The following CADM1 variants were observed in gnomAD, a reference collection of about 807,000 sequenced individuals.
CADM1 encodes TSLC-1.
A neutral mutation model predicts 53.1 loss-of-function variants in CADM1; 15 were observed. The observed-to-expected ratio is 0.28, with a 90% CI of 0.19 to 0.44. The LOEUF (loss-of-function observed/expected upper bound fraction) is 0.44, where lower values mean the gene tolerates loss of function less well. Ranked by LOEUF, CADM1 falls within the 20% of genes least tolerant of loss-of-function variation. The pLI is 1.00. For synonymous variants in CADM1, 281 were observed against 243.0 expected (o/e 1.16, Z -1.45); for missense variants, 434 against 611.3 (o/e 0.71, Z 3.06).
At position 115,295,520 on chromosome 11, in the gene CADM1, A is replaced by T. The variant is rs1435730614; in HGVS notation, c.125-55100T>A. 7.0e-5 allele frequency among the ~76,000 whole-genome samples: 5 copies of T among 71,036 alleles called. No individual in the cohort carries two copies. In the East Asian group the frequency reaches 3.4e-3, roughly 48 times the overall value. The allele number at this position is 71,036 out of a possible 152,430, so 46.6% of individuals were successfully genotyped here. A position where few individuals can be genotyped will look rare whatever the true frequency, so the allele number is the denominator to read the frequency against. On this transcript the variant is annotated intron_variant, in intron 1 of 11. Coordinates refer to ENST00000331581, the MANE Select transcript of CADM1 (RefSeq NM_001301043.2). ...ATCAAGATATTTTATATATATATAT[A>T]TATATATATATATATATATATATAT...
At chr11:115,349,351 C>T (rs1189489091) in intron 1 of CADM1, among the ~76,000 whole-genome samples, 1 of 152,106 alleles carries the variant, frequency 6.6e-6, no homozygotes, top group Non-Finnish European at 1.5e-5. Flanking sequence ...TTCTTTATTA[C>T]AGGAAAGTAT....
chr11:115,385,819 TAA>T (rs1946686856), intron 1 of CADM1, among the ~76,000 whole-genome samples: 1 of 152,196 alleles, frequency 6.6e-6, no homozygotes, highest in Non-Finnish European at 1.5e-5. Context: ...TCTAAATTTC[TAA>T]GTTCTTTGAC....
intron 1 of CADM1, among the ~76,000 whole-genome samples, chr11:115,379,986 A>C (rs1222471903): frequency 6.6e-6 from 1 of 152,166 alleles, no homozygotes; most frequent in Non-Finnish European, 1.5e-5. Flanking sequence ...TATAGGTCAG[A>C]TCAATGGGGT....
chr11:115,259,725 TAA>T (rs1176836175), intron 1 of CADM1, among the ~76,000 whole-genome samples: 3 of 152,104 alleles, frequency 2.0e-5, no homozygotes, highest in Non-Finnish European at 2.9e-5. Flanking sequence ...CAAGAGGAGC[TAA>T]AGAAGGAGCT....
At chr11:115,372,817 G>A (rs937989570) in intron 1 of CADM1, among the ~76,000 whole-genome samples, 10 of 152,094 alleles carry the variant, frequency 6.6e-5, no homozygotes, top group African/African-American at 1.4e-4. Flanking sequence ...GCAGAAACAA[G>A]AACAAGGAAA....
chr11:115,178,800 G>A, intron 10 of CADM1, 25 bp from the exon 11 acceptor site: 1 of 1,613,382 alleles, frequency 6.2e-7, no homozygotes, highest in Non-Finnish European at 8.5e-7. Context: ...AGAGGAATAG[G>A]GATGTAGAGC....
intron 1 of CADM1, among the ~76,000 whole-genome samples, chr11:115,473,375 C>G (rs1949059099): frequency 6.6e-6 from 1 of 152,176 alleles, no homozygotes; most frequent in African/African-American, 2.4e-5. Context: ...GGGAGGTTCA[C>G]TTGGGCCCAG....
chr11:115,226,031 A>G (rs1213264492), intron 5 of CADM1, among the ~76,000 whole-genome samples: 1 of 152,150 alleles, frequency 6.6e-6, no homozygotes, highest in Non-Finnish European at 1.5e-5. Context: ...TACTCGGAGT[A>G]GACTCTGAGG....
At chr11:115,227,466 T>C (rs1941653321) in intron 5 of CADM1, among the ~76,000 whole-genome samples, 2 of 152,202 alleles carry the variant, frequency 1.3e-5, no homozygotes, top group Admixed American at 1.3e-4. Context: ...GGTGAATATC[T>C]ACTCAGGACG....
At chr11:115,204,911 A>G (rs538840223) in intron 8 of CADM1, among the ~76,000 whole-genome samples, 2 of 152,344 alleles carry the variant, frequency 1.3e-5, no homozygotes, top group South Asian at 2.1e-4. Flanking sequence ...TTAGATACCA[A>G]TAAGAAAAGC....
chr11:115,408,525 G>A (rs192158646), intron 1 of CADM1, among the ~76,000 whole-genome samples: 62 of 152,296 alleles, frequency 4.1e-4, no homozygotes, highest in African/African-American at 1.4e-3. Context: ...AACTGTGTTG[G>A]TTACTGACCT....
At chr11:115,243,027 T>C (rs1286358740) in intron 1 of CADM1, among the ~76,000 whole-genome samples, 2 of 152,258 alleles carry the variant, frequency 1.3e-5, no homozygotes, top group African/African-American at 4.8e-5. Context: ...TCCATGATTT[T>C]GTCTTTTAAG....
chr11:115,413,469 C>T (rs1449723602), intron 1 of CADM1, among the ~76,000 whole-genome samples: 1 of 152,134 alleles, frequency 6.6e-6, no homozygotes. Flanking sequence ...CTGTTCTAGA[C>T]ACTTTGTACA....
intron 1 of CADM1, among the ~76,000 whole-genome samples, chr11:115,376,444 A>C (rs1946440204): frequency 6.6e-6 from 1 of 152,188 alleles, no homozygotes; most frequent in African/African-American, 2.4e-5. Flanking sequence ...TAGTTTCTAC[A>C]AAAAATGAAA....
At chr11:115,366,218 C>T (rs1464217224) in intron 1 of CADM1, among the ~76,000 whole-genome samples, 1 of 152,198 alleles carries the variant, frequency 6.6e-6, no homozygotes, top group Non-Finnish European at 1.5e-5. Context: ...CATTTCTCCG[C>T]AGCACAAAAA....
chr11:115,432,719 C>T (rs539501479), intron 1 of CADM1, among the ~76,000 whole-genome samples: 67 of 152,266 alleles, frequency 4.4e-4, no homozygotes, highest in African/African-American at 1.6e-3. Context: ...TTCTGATAGC[C>T]TACGGGTATT....
At chr11:115,347,254 C>CA (rs1411902491) in intron 1 of CADM1, among the ~76,000 whole-genome samples, 1 of 152,020 alleles carries the variant, frequency 6.6e-6, no homozygotes, top group Non-Finnish European at 1.5e-5. Flanking sequence ...TACTAGCCCC[C>CA]CCAACTGCTT....
chr11:115,175,547 T>C lies in CADM1; in HGVS notation c.*927A>G, dbSNP rs575111056. On this transcript the variant is annotated 3_prime_UTR_variant, in exon 12 of 12. Transcript: ENST00000331581. ...TTTCCCCCCTCCCTACTTCCCCTCC[T>C]GTGGCAACTCAAAATTTGTCCACTT... is the stretch of plus-strand genomic sequence containing the variant. 3.3e-5 allele frequency: 33 copies of C among 985,510 alleles called. 1 individual carries two copies. Among genetic ancestry groups the C allele is most frequent in the Middle Eastern group, 1.0e-3 (2 of 1,914 alleles). 61.0% of individuals were successfully genotyped at this position (985,510 alleles called of 1,614,324 possible). A position where few individuals can be genotyped will look rare whatever the true frequency, so the allele number is the denominator to read the frequency against.
chr11:115,421,449 CCA>C (rs1029738905), intron 1 of CADM1, among the ~76,000 whole-genome samples: 1 of 152,216 alleles, frequency 6.6e-6, no homozygotes, highest in African/African-American at 2.4e-5. Flanking sequence ...AGCAGCTCAG[CCA>C]CACCTTTTCA....
Sources: gnomAD v4.1 joint callset for allele counts (sites outside exome capture counted in the v4.1 genomes callset) on GRCh38, gnomAD v4.1.1 for gene constraint, MANE v1.5 for transcripts, NCBI Gene and HGNC (gene_info 2026-07-23, HGNC 2026-07-21) for gene names.